The following PPM1L variants were observed in gnomAD, a reference collection of about 807,000 sequenced individuals.
PPM1L encodes the protein protein phosphatase, Mg2+/Mn2+ dependent 1L, also known as protein phosphatase 1L.
In PPM1L, 13 loss-of-function variants were observed where a neutral mutation model predicts 31.4. That is an observed-to-expected ratio of 0.41 (90% CI 0.27 to 0.66). The LOEUF is 0.66. Ranked by LOEUF, PPM1L falls within the 30% of genes least tolerant of loss-of-function variation. PPM1L has a pLI of 0.29. For missense variants in PPM1L, 326 were observed against 453.7 expected (o/e 0.72, Z 2.56); for synonymous variants, 184 against 175.4 (o/e 1.05, Z -0.39).
intron 1 of PPM1L, among the ~76,000 whole-genome samples, chr3:160,914,702 G>T (rs1250952884): frequency 1.3e-5 from 2 of 152,060 alleles, no homozygotes; most frequent in Non-Finnish European, 2.9e-5. Context: ...TTGGACATTT[G>T]GCTTGGTTCC....
intron 2 of PPM1L, among the ~76,000 whole-genome samples, chr3:161,062,076 A>G (rs190192941): frequency 6.6e-6 from 1 of 152,164 alleles, no homozygotes; most frequent in Non-Finnish European, 1.5e-5. Context: ...CACTTCTGGG[A>G]AACACATAGG....
chr3:160,875,561 G>A (rs1484462490), intron 1 of PPM1L, among the ~76,000 whole-genome samples: 1 of 152,156 alleles, frequency 6.6e-6, no homozygotes, highest in African/African-American at 2.4e-5. Context: ...ACCTAATAAG[G>A]GGATTTGGAG....
intron 2 of PPM1L, among the ~76,000 whole-genome samples, chr3:161,007,055 C>G (rs1202929053): frequency 6.6e-6 from 1 of 152,186 alleles, no homozygotes; most frequent in Non-Finnish European, 1.5e-5. Flanking sequence ...CCCAGTCATT[C>G]ATTCATTTAA....
At chr3:160,895,720 A>T (rs1713314461) in intron 1 of PPM1L, among the ~76,000 whole-genome samples, 1 of 152,174 alleles carries the variant, frequency 6.6e-6, no homozygotes, top group Non-Finnish European at 1.5e-5. Flanking sequence ...CAAGAGTGTC[A>T]CCTCAAACCC....
rs527983045 is a variant in PPM1L, at chr3:160,893,422, A to G, written c.400-68314A>G. ...GCTCACTCAGCATTTTTGTTTAACA[A>G]TATCCCTGGGACATAAACCAAATAG... On this transcript the variant is annotated intron_variant, in intron 1 of 3. Transcript: ENST00000498165. Among the ~76,000 whole-genome samples the G allele has an allele frequency of 3.3e-5, 5 of 152,310 alleles. No individual in the cohort carries two copies. In the East Asian group the frequency reaches 7.7e-4, roughly 23 times the overall value.
At chr3:161,039,915 G>A (rs141382873) in intron 2 of PPM1L, among the ~76,000 whole-genome samples, 251 of 152,250 alleles carry the variant, frequency 1.6e-3, no homozygotes, top group African/African-American at 5.8e-3. Flanking sequence ...GATCAAACTG[G>A]AGCCTGAATC....
chr3:160,781,404 G>A (rs16831457), intron 1 of PPM1L, among the ~76,000 whole-genome samples: 2 of 151,974 alleles, frequency 1.3e-5, no homozygotes, highest in Non-Finnish European at 2.9e-5. Context: ...GATCTTCCTC[G>A]CCAAATAGGT....
rs1397104320 is a variant in PPM1L, at chr3:161,072,083, C to G, written c.*2926C>G. 5 of 152,248 alleles carry G rather than the reference C, an allele frequency of 3.3e-5. No individual in the cohort carries two copies. The highest frequency in any genetic ancestry group is 4.4e-5 in the Non-Finnish European group (3 of 68,056). The allele number at this position is 152,248 out of a possible 1,614,324, so 9.4% of individuals were successfully genotyped here. The stretch of plus-strand genomic sequence containing the variant: ...TCTCCATTAATGCAGTGCTCTGCTG[C>G]TGCTCCACTGGCAATTTGTACTCTT... On this transcript the variant is annotated 3_prime_UTR_variant, in exon 4 of 4. Transcript: ENST00000498165.
chr3:160,842,920 A>G (rs1713933661), intron 1 of PPM1L, among the ~76,000 whole-genome samples: 1 of 152,140 alleles, frequency 6.6e-6, no homozygotes, highest in South Asian at 2.1e-4. Context: ...ATGTATATGT[A>G]TTTTTTTCTC....
intron 1 of PPM1L, among the ~76,000 whole-genome samples, chr3:160,901,602 C>T (rs573655235): frequency 2.0e-5 from 3 of 152,268 alleles, no homozygotes; most frequent in East Asian, 1.9e-4. Context: ...GATTTCTACA[C>T]GGCTTCCTCC....
intron 2 of PPM1L, among the ~76,000 whole-genome samples, chr3:161,014,316 T>C (rs1718002005): frequency 6.6e-6 from 1 of 152,208 alleles, no homozygotes; most frequent in Non-Finnish European, 1.5e-5. Flanking sequence ...TTACAGAAGA[T>C]ATTCAAATAC....
At chr3:161,047,995 C>G (rs2108095590) in intron 2 of PPM1L, among the ~76,000 whole-genome samples, 1 of 152,256 alleles carries the variant, frequency 6.6e-6, no homozygotes, top group East Asian at 1.9e-4. Context: ...TAGAAGAAAA[C>G]CTAGGCAATA....
intron 2 of PPM1L, among the ~76,000 whole-genome samples, chr3:160,988,394 C>G (rs1343533229): frequency 6.6e-6 from 1 of 152,130 alleles, no homozygotes; most frequent in Non-Finnish European, 1.5e-5. Context: ...TTCACAGTTG[C>G]TATAGATTTC....
At chr3:160,975,388 A>G (rs1300937528) in intron 2 of PPM1L, among the ~76,000 whole-genome samples, 2 of 152,152 alleles carry the variant, frequency 1.3e-5, no homozygotes, top group African/African-American at 2.4e-5. Flanking sequence ...ACTTTAAAGT[A>G]GTTTTTTCCA....
intron 1 of PPM1L, among the ~76,000 whole-genome samples, chr3:160,883,125 G>C (rs1712781272): frequency 1.3e-5 from 2 of 152,116 alleles, no homozygotes; most frequent in Admixed American, 1.3e-4. Context: ...TTAAATCCTA[G>C]TAACATTAAG....
At chr3:160,762,574 TAGC>T (rs1056698361) in intron 1 of PPM1L, among the ~76,000 whole-genome samples, 11 of 152,148 alleles carry the variant, frequency 7.2e-5, no homozygotes, top group African/African-American at 2.7e-4. Context: ...TTAAAAAAAA[TAGC>T]AGAGTTACAA....
At chr3:161,005,188 G>T (rs1717662699) in intron 2 of PPM1L, among the ~76,000 whole-genome samples, 14 of 152,104 alleles carry the variant, frequency 9.2e-5, no homozygotes, top group Admixed American at 9.2e-4. Context: ...TCAGGAGCAG[G>T]TTGTTCAGTT....
intron 1 of PPM1L, among the ~76,000 whole-genome samples, chr3:160,865,217 G>A (rs1712047075): frequency 6.6e-6 from 1 of 152,030 alleles, no homozygotes; most frequent in Admixed American, 6.5e-5. Flanking sequence ...GAAAGATAAA[G>A]TCTCAGAGAA....
chr3:160,929,890 T>TA (rs1179309308), intron 1 of PPM1L, among the ~76,000 whole-genome samples: 1 of 152,204 alleles, frequency 6.6e-6, no homozygotes, highest in African/African-American at 2.4e-5. Context: ...CTTCAGCTTC[T>TA]GCTCTTCCAG....
Sources: allele counts gnomAD v4.1 joint callset (sites outside exome capture counted in the v4.1 genomes callset), GRCh38; gene constraint gnomAD v4.1.1; transcripts MANE v1.5; gene names NCBI Gene and HGNC (gene_info 2026-07-23, HGNC 2026-07-21).